The following DLG2 variants were observed in gnomAD, a reference collection of about 807,000 sequenced individuals.
The protein encoded by DLG2 is disks large homolog 2.
A neutral mutation model predicts 132.5 loss-of-function variants in DLG2; 45 were observed. The observed-to-expected ratio is 0.34, with a 90% CI of 0.27 to 0.44. The LOEUF (loss-of-function observed/expected upper bound fraction) is 0.44. DLG2 is among the 20% of genes least tolerant of loss of function. The probability of loss-of-function intolerance (pLI) is 1.00; values close to 1 mark genes in which losing one functional copy is unlikely to be tolerated. For synonymous variants in DLG2, 424 were observed against 419.6 expected, an observed-to-expected ratio of 1.01 and a Z score of -0.13; for missense variants, 1,045 against 1,196.9, an observed-to-expected ratio of 0.87 and a Z score of 1.87.
chr11:83,672,023 T>A (rs2076911552), intron 18 of DLG2, among the ~76,000 whole-genome samples: 2 of 152,118 alleles, frequency 1.3e-5, no homozygotes, highest in Admixed American at 1.3e-4. Flanking sequence ...AAAGAATGAA[T>A]GGAGGGTAAG....
intron 3 of DLG2, among the ~76,000 whole-genome samples, chr11:85,573,672 C>T (rs1565703469): frequency 6.6e-6 from 1 of 152,152 alleles, no homozygotes; most frequent in Non-Finnish European, 1.5e-5. Flanking sequence ...CTTATATCCC[C>T]CCAATAAATC....
At chr11:84,591,370 A>G (rs1402472033) in intron 6 of DLG2, among the ~76,000 whole-genome samples, 1 of 151,294 alleles carries the variant, frequency 6.6e-6, no homozygotes, top group African/African-American at 2.4e-5. Flanking sequence ...CACTTAGAAG[A>G]AAGAAAGAAC....
chr11:85,533,766 C>T (rs1387325020), intron 3 of DLG2, among the ~76,000 whole-genome samples: 1 of 152,202 alleles, frequency 6.6e-6, no homozygotes, highest in Non-Finnish European at 1.5e-5. Context: ...AATCGGAAAA[C>T]ATTCTTTAGG....
intron 18 of DLG2, among the ~76,000 whole-genome samples, chr11:83,707,029 C>T (rs1475521821): frequency 1.3e-5 from 2 of 152,210 alleles, no homozygotes; most frequent in African/African-American, 4.8e-5. Flanking sequence ...TCAAAATCAA[C>T]TCCATGAAGT....
At chr11:84,716,027 A>G (rs1210770569) in intron 6 of DLG2, among the ~76,000 whole-genome samples, 1 of 152,132 alleles carries the variant, frequency 6.6e-6, no homozygotes, top group Non-Finnish European at 1.5e-5. Context: ...CATTCTCACC[A>G]ACAGTGTACA....
chr11:84,696,068 A>C (rs531316742), intron 6 of DLG2, among the ~76,000 whole-genome samples: 2 of 151,696 alleles, frequency 1.3e-5, no homozygotes, highest in East Asian at 3.9e-4. Flanking sequence ...TAAGATGGAG[A>C]GAAAACAAAA....
At chr11:84,710,523 C>T (rs2060264618) in intron 6 of DLG2, among the ~76,000 whole-genome samples, 1 of 151,838 alleles carries the variant, frequency 6.6e-6, no homozygotes, top group Non-Finnish European at 1.5e-5. Context: ...TATTTGAGAA[C>T]TTATAAAATA....
intron 6 of DLG2, among the ~76,000 whole-genome samples, chr11:84,539,117 T>C (rs2099362106): frequency 6.6e-6 from 1 of 152,210 alleles, no homozygotes; most frequent in African/African-American, 2.4e-5. Context: ...TGGAGCCATA[T>C]TAAATGCTTT....
rs752820958 is a variant in DLG2, at chr11:85,386,195, T to C, written c.41-100830A>G. Among the ~76,000 whole-genome samples, 6 of 152,228 alleles carry C rather than the reference T, an allele frequency of 3.9e-5. No homozygotes were observed. The South Asian group carries it at 8.3e-4, about 21-fold the overall frequency. On this transcript the variant is annotated intron_variant, in intron 3 of 27. Transcript: ENST00000376104. ...GTTCTAACACATTCTAGCTGTGTGA[T>C]TTCAGGTTTGTAATAATAATGCCTA...
At chr11:85,171,592 T>G (rs979018674) in intron 4 of DLG2, among the ~76,000 whole-genome samples, 2 of 152,110 alleles carry the variant, frequency 1.3e-5, no homozygotes, top group African/African-American at 4.8e-5. Flanking sequence ...GGGGGCTGAA[T>G]CCAGGAGTTA....
chr11:85,533,469 A>T (rs1034628408), intron 3 of DLG2, among the ~76,000 whole-genome samples: 1 of 148,136 alleles, frequency 6.8e-6, no homozygotes, highest in Non-Finnish European at 1.5e-5. Flanking sequence ...ATATATATAT[A>T]TATATATAAT....
At chr11:84,790,391 A>AG (rs1384112976) in intron 6 of DLG2, among the ~76,000 whole-genome samples, 4 of 152,198 alleles carry the variant, frequency 2.6e-5, no homozygotes, top group Non-Finnish European at 4.4e-5. Context: ...TTTTCTTTTA[A>AG]GAAATGTCTA....
intron 15 of DLG2, among the ~76,000 whole-genome samples, chr11:83,910,783 T>C (rs1016712775): frequency 2.6e-5 from 4 of 152,160 alleles, no homozygotes; most frequent in Non-Finnish European, 5.9e-5. Flanking sequence ...ACATTTCAGT[T>C]GCTCTTCATG....
At chr11:85,392,850 T>C (rs2086921305) in intron 3 of DLG2, among the ~76,000 whole-genome samples, 2 of 152,092 alleles carry the variant, frequency 1.3e-5, no homozygotes, top group African/African-American at 4.8e-5. Context: ...GACTGAAATA[T>C]AAGAGCTGAA....
At chr11:84,509,268 T>TA (rs1364341917) in intron 7 of DLG2, among the ~76,000 whole-genome samples, 1 of 152,202 alleles carries the variant, frequency 6.6e-6, no homozygotes, top group African/African-American at 2.4e-5. Context: ...GACCTTGTCC[T>TA]AAGAAGCAAC....
chr11:83,501,729 A>C (rs538122579), intron 21 of DLG2, among the ~76,000 whole-genome samples: 2 of 152,258 alleles, frequency 1.3e-5, no homozygotes, highest in South Asian at 4.1e-4. Flanking sequence ...AAATCCAGAG[A>C]CTGACATAAC....
intron 10 of DLG2, among the ~76,000 whole-genome samples, chr11:84,079,114 C>T (rs1392557447): frequency 6.6e-6 from 1 of 152,086 alleles, no homozygotes. Flanking sequence ...GAAGGAATAC[C>T]ACTTCCCTTT....
chr11:84,980,982 G>A (rs1372082144), intron 6 of DLG2, among the ~76,000 whole-genome samples: 2 of 152,104 alleles, frequency 1.3e-5, no homozygotes, highest in Non-Finnish European at 2.9e-5. Flanking sequence ...TCTGGGCATA[G>A]CTCTATCACA....
At chr11:83,762,271 G>C (rs916143492) in intron 18 of DLG2, among the ~76,000 whole-genome samples, 9 of 152,148 alleles carry the variant, frequency 5.9e-5, no homozygotes, top group African/African-American at 2.2e-4. Context: ...AAAAACAAAA[G>C]CATAAACAAC....
Sources: gnomAD v4.1 joint callset for allele counts (sites outside exome capture counted in the v4.1 genomes callset) on GRCh38, gnomAD v4.1.1 for gene constraint, MANE v1.5 for transcripts, NCBI Gene and HGNC (gene_info 2026-07-23, HGNC 2026-07-21) for gene names.